Variants in SLC6A11 observed in about 807,000 individuals in gnomAD.
SLC6A11 encodes the protein solute carrier family 6 member 11, also known as sodium- and chloride-dependent GABA transporter 3.
SLC6A11 carries 25 observed loss-of-function variants against 74.8 expected under a neutral mutation model. The observed-to-expected ratio is 0.33, with a 90% confidence interval of 0.24 to 0.47. SLC6A11 has a LOEUF of 0.47. SLC6A11 is among the 20% of genes least tolerant of loss of function. The pLI is 1.00. For missense variants in SLC6A11, 574 were observed against 837.0 expected (o/e 0.69, Z 3.88); for synonymous variants, 330 against 330.2 (o/e 1.00, Z 0.01).
At position 10,926,663 on chromosome 3, in the gene SLC6A11, C is replaced by T. The variant is rs1454701992; in HGVS notation, c.1233+547C>T. 1.3e-5 allele frequency among the ~76,000 whole-genome samples: 2 copies of T among 152,188 alleles called. No individual in the cohort carries two copies. Among genetic ancestry groups the T allele is most frequent in the African/African-American group, 4.8e-5 (2 of 41,452 alleles). On this transcript the variant is annotated intron_variant, in intron 9 of 13. Transcript: ENST00000254488. This position sits in a 1 kb window ranked among gnomAD's most constrained non-coding sequence, Gnocchi z 5.7. ...CTCCCTAGAGGCCCCTTGCCAACCTCCCCCTGCTTGGCAGCCTCCTTCCCT... is the reference window on the plus strand; with the variant it reads ...CTCCCTAGAGGCCCCTTGCCAACCTTCCCCTGCTTGGCAGCCTCCTTCCCT...
At chr3:10,910,179 C>T (rs1455916618) in intron 6 of SLC6A11, among the ~76,000 whole-genome samples, 1 of 152,174 alleles carries the variant, frequency 6.6e-6, no homozygotes. Context: ...GAAAAAAATA[C>T]ACTTATTTCT....
At position 10,844,331 on chromosome 3, in the gene SLC6A11, C is replaced by A. The variant is rs770326640; in HGVS notation, c.741C>A (p.Thr247=). The A allele has an allele frequency of 5.0e-6, 8 of 1,614,118 alleles. No homozygotes were observed. The Admixed American group carries it at 1.3e-4, about 27-fold the overall frequency. The change falls in exon 5 of 14, where the codon ACC becomes ACA. Residue 247 remains threonine (T), a synonymous_variant. Coordinates refer to ENST00000254488, the MANE Select transcript of SLC6A11 (RefSeq NM_014229.3). ...GTTACTTCTGTATCTGGAAGGGGAC[C>A]AAGTCTACAGGAAAGGTAAGAGGTC... ...TICYFCIWKG[T]KSTGKVVYVT... is the part of the protein sequence containing the mutation.
At chr3:10,845,911 C>G (rs186515429) in intron 5 of SLC6A11, among the ~76,000 whole-genome samples, 7 of 152,324 alleles carry the variant, frequency 4.6e-5, no homozygotes, top group African/African-American at 1.7e-4. Flanking sequence ...CTTGCTGCCT[C>G]TTCCAGGAAA....
rs1359310803 is a variant in SLC6A11, at chr3:10,915,264, C to T, written c.996-3065C>T. ...TTGGGGCAGTGGCAGCTTCATTCCC[C>T]ACTGAGTGCGTGGAGGATGTATGCT... On this transcript the variant is annotated intron_variant, in intron 7 of 13. Transcript: ENST00000254488. The surrounding 1 kb of genome is among the most constrained non-coding windows in gnomAD (Gnocchi z 4.3). Among the ~76,000 whole-genome samples the T allele has an allele frequency of 6.6e-6, 1 of 152,142 alleles. No individual in the cohort carries two copies. Among genetic ancestry groups the T allele is most frequent in the Non-Finnish European group, 1.5e-5 (1 of 68,040 alleles).
chr3:10,910,815 G>A (rs1695376010), intron 6 of SLC6A11, among the ~76,000 whole-genome samples: 1 of 136,240 alleles, frequency 7.3e-6, no homozygotes, highest in African/African-American at 2.8e-5. Context: ...TAGGGTTGCT[G>A]TGAATTTTTT....
intron 4 of SLC6A11, among the ~76,000 whole-genome samples, chr3:10,843,028 G>A (rs897137220): frequency 2.0e-5 from 3 of 152,158 alleles, no homozygotes; most frequent in African/African-American, 7.2e-5. Flanking sequence ...GTGCCGAAGC[G>A]ACTGGCATGG....
chr3:10,938,363 G>A lies in SLC6A11; in HGVS notation c.1860G>A (p.Gly620=). 6.2e-7 allele frequency: 1 copy of A among 1,610,924 alleles called. No individual in the cohort carries two copies. Residue 620 remains glycine, a synonymous_variant, in exon 14 of 14, where the codon GGG becomes GGA. Transcript: ENST00000254488. ...NDCDAKLKSD[G]TIAAITEKET... ...GTGATGCCAAACTCAAGAGTGACGG[G>A]ACCATCGCAGCCATCACAGAGAAGG...
At chr3:10,830,159 G>T (rs1264476124) in intron 4 of SLC6A11, among the ~76,000 whole-genome samples, 6 of 152,206 alleles carry the variant, frequency 3.9e-5, no homozygotes, top group African/African-American at 1.4e-4. Flanking sequence ...CCTGGACTTT[G>T]GGGAAGGCTA....
chr3:10,817,916 A>G (rs1022831888), intron 1 of SLC6A11, among the ~76,000 whole-genome samples: 2 of 152,192 alleles, frequency 1.3e-5, no homozygotes, highest in Non-Finnish European at 2.9e-5. Flanking sequence ...AGCTGCGTCC[A>G]CTTGGAAACC....
intron 6 of SLC6A11, among the ~76,000 whole-genome samples, chr3:10,901,441 G>A (rs545357279): frequency 1.1e-3 from 164 of 152,324 alleles, no homozygotes; most frequent in African/African-American, 3.7e-3. Flanking sequence ...CTCACCGCCC[G>A]CAGCGCAACC....
chr3:10,898,940 A>G (rs549870891), intron 6 of SLC6A11, among the ~76,000 whole-genome samples: 8 of 152,334 alleles, frequency 5.3e-5, no homozygotes, highest in African/African-American at 1.4e-4. Context: ...AAGCCTCACA[A>G]TCATGGCAGA....
chr3:10,869,371 A>G (rs769061692), intron 5 of SLC6A11, among the ~76,000 whole-genome samples: 2 of 152,206 alleles, frequency 1.3e-5, no homozygotes, highest in Non-Finnish European at 2.9e-5. Flanking sequence ...GACATTTTAA[A>G]TGGACCACTC....
Position 10,915,342 on chromosome 3 carries a change from T to C in SLC6A11, c.996-2987T>C, listed in dbSNP as rs562070573. Among the ~76,000 whole-genome samples, 26 of 152,216 alleles carry C rather than the reference T, an allele frequency of 1.7e-4. No individual in the cohort carries two copies. In the South Asian group the frequency reaches 5.4e-3, roughly 32 times the overall value. On this transcript the variant is annotated intron_variant, in intron 7 of 13. Transcript: ENST00000254488. This position sits in a 1 kb window ranked among gnomAD's most constrained non-coding sequence, Gnocchi z 4.3. The stretch of plus-strand genomic sequence containing the variant: ...CCTCCAGCAGGCAGGTTTTATTCCA[T>C]CTCTCCCATCAGCAGAAGAAAGCAA...
Position 10,929,242 on chromosome 3 carries a change from T to C in SLC6A11, c.1274T>C (p.Met425Thr). The C allele has an allele frequency of 1.2e-6, 2 of 1,614,160 alleles. No individual in the cohort carries two copies. Among genetic ancestry groups the C allele is most frequent in the Non-Finnish European group, 1.7e-6 (2 of 1,179,998 alleles). Residue 425 changes from methionine to threonine, a missense_variant, in exon 10 of 14, where the codon ATG becomes ACG. Transcript: ENST00000254488. The stretch of plus-strand genomic sequence containing the variant: ...AGCCTGGTGACCGCCGTGGTGGACA[T>C]GTACCCCAAGGTTTTCCGGAGGGGT... The part of the protein sequence containing the change: ...VESLVTAVVD[M>T]YPKVFRRGYR...
intron 6 of SLC6A11, among the ~76,000 whole-genome samples, chr3:10,886,457 G>A (rs1158970167): frequency 6.6e-6 from 1 of 152,144 alleles, no homozygotes; most frequent in Admixed American, 6.5e-5. Flanking sequence ...CTGGCTCCCT[G>A]TCATCCTGCA....
intron 6 of SLC6A11, among the ~76,000 whole-genome samples, chr3:10,898,814 C>A (rs2106619229): frequency 6.6e-6 from 1 of 152,272 alleles, no homozygotes; most frequent in Non-Finnish European, 1.5e-5. Flanking sequence ...ACCCCACTAC[C>A]AATACCAATT....
chr3:10,873,723 C>CTATCA (rs1694869016), intron 5 of SLC6A11, among the ~76,000 whole-genome samples: 1 of 149,530 alleles, frequency 6.7e-6, no homozygotes, highest in African/African-American at 2.5e-5. Context: ...CTATCCTATC[C>CTATCA]TATCCTATCC....
At chr3:10,836,632 A>G (rs915928963) in intron 4 of SLC6A11, among the ~76,000 whole-genome samples, 1 of 152,214 alleles carries the variant, frequency 6.6e-6, no homozygotes, top group Non-Finnish European at 1.5e-5. Context: ...ATTCAGTTAG[A>G]TAAAGCTGTA....
intron 4 of SLC6A11, among the ~76,000 whole-genome samples, chr3:10,841,075 C>T (rs1694431365): frequency 6.6e-6 from 1 of 152,126 alleles, no homozygotes; most frequent in African/African-American, 2.4e-5. Flanking sequence ...AAGGGTGCTT[C>T]ATGAAGAATC....
Sources: gnomAD v4.1 joint callset for allele counts (sites outside exome capture counted in the v4.1 genomes callset) on GRCh38, gnomAD v4.1.1 for gene constraint, Gnocchi (gnomAD v3.1) non-coding constraint, MANE v1.5 for transcripts, NCBI Gene and HGNC (gene_info 2026-07-23, HGNC 2026-07-21) for gene names.